Variants in CDH13 observed in about 807,000 individuals in gnomAD.
CDH13 encodes the protein cadherin 13.
Under a neutral mutation model 63.8 loss-of-function variants are expected in CDH13, and 24 were observed. The observed-to-expected ratio is 0.38, with a 90% confidence interval of 0.27 to 0.53. The LOEUF is 0.53. Ranked by LOEUF, CDH13 falls within the 20% of genes least tolerant of loss-of-function variation. The pLI, the probability that CDH13 is intolerant of heterozygous loss-of-function variation, is 0.85. For missense variants in CDH13, 1,049 were observed against 903.1 expected (o/e 1.16, Z -2.07); for synonymous variants, 503 against 355.3 (o/e 1.42, Z -4.67).
chr16:83,191,564 CACAT>C (rs924164695), intron 4 of CDH13, among the ~76,000 whole-genome samples: 7 of 139,964 alleles, frequency 5.0e-5, no homozygotes, highest in Admixed American at 2.9e-4. Flanking sequence ...TATACACACA[CACAT>C]ATATATGAAG....
At chr16:82,924,874 TA>T (rs1288987602) in intron 2 of CDH13, among the ~76,000 whole-genome samples, 1 of 152,176 alleles carries the variant, frequency 6.6e-6, no homozygotes, top group Non-Finnish European at 1.5e-5. Flanking sequence ...ACCCCCTCGT[TA>T]AAGCTGGTAA....
chr16:83,036,841 A>G (rs1468455725), intron 3 of CDH13, among the ~76,000 whole-genome samples: 1 of 152,188 alleles, frequency 6.6e-6, no homozygotes, highest in Non-Finnish European at 1.5e-5. Context: ...CTCAAGGATT[A>G]GCCTGCACAC....
At chr16:82,713,556 T>G (rs1364288276) in intron 1 of CDH13, among the ~76,000 whole-genome samples, 1 of 151,952 alleles carries the variant, frequency 6.6e-6, no homozygotes, top group African/African-American at 2.4e-5. Flanking sequence ...TGGTCAAGAG[T>G]ACGGACTCAG....
intron 1 of CDH13, among the ~76,000 whole-genome samples, chr16:82,706,763 C>T (rs746519592): frequency 3.2e-4 from 48 of 151,500 alleles, no homozygotes; most frequent in African/African-American, 1.0e-3. Flanking sequence ...GAGATCATGC[C>T]GCTGTACTCC....
chr16:82,837,166 T>C (rs566633258), intron 1 of CDH13, among the ~76,000 whole-genome samples: 1 of 152,294 alleles, frequency 6.6e-6, no homozygotes, highest in Admixed American at 6.5e-5. Flanking sequence ...TGGTGGGAAG[T>C]GGGAGTTAGG....
chr16:83,604,298 C>T (rs1313311684), intron 8 of CDH13, among the ~76,000 whole-genome samples: 1 of 152,182 alleles, frequency 6.6e-6, no homozygotes, highest in African/African-American at 2.4e-5. Context: ...GTTCCTCTAG[C>T]TGCTAATACA....
At chr16:83,268,193 T>G (rs1383759132) in intron 5 of CDH13, among the ~76,000 whole-genome samples, 1 of 152,212 alleles carries the variant, frequency 6.6e-6, no homozygotes, top group Non-Finnish European at 1.5e-5. Context: ...TTAACTGTAC[T>G]GCAGTTTGTC....
chr16:83,580,890 G>T (rs1905532730), intron 7 of CDH13, among the ~76,000 whole-genome samples: 1 of 152,140 alleles, frequency 6.6e-6, no homozygotes, highest in African/African-American at 2.4e-5. Context: ...GTTGAGAACG[G>T]CCAAATGTTT....
chr16:82,636,413 T>A (rs1908661657), intron 1 of CDH13, among the ~76,000 whole-genome samples: 1 of 152,148 alleles, frequency 6.6e-6, no homozygotes, highest in South Asian at 2.1e-4. Flanking sequence ...GGCCTGGAAA[T>A]GCCCTTGAAT....
chr16:83,511,416 C>T lies in CDH13; in HGVS notation c.960+24761C>T, dbSNP rs190550227. Among the ~76,000 whole-genome samples the T allele has an allele frequency of 1.3e-3, 197 of 151,672 alleles. 1 individual carries two copies. The highest frequency in any genetic ancestry group is 1.1e-3 in the Non-Finnish European group (78 of 67,916). On this transcript the variant is annotated intron_variant, in intron 7 of 13. Coordinates refer to ENST00000567109, the MANE Select transcript of CDH13 (RefSeq NM_001257.5). ...GGCCAAGGTTGCAGTGAGCTGAGAT[C>T]ACGCCACTGCACAGCAGCCTGGGGG...
At chr16:83,783,643 C>T (rs553643998) in intron 13 of CDH13, among the ~76,000 whole-genome samples, 171 bp downstream of exon 13, 1 of 152,194 alleles carries the variant, frequency 6.6e-6, no homozygotes, top group Non-Finnish European at 1.5e-5. Context: ...AGTGCTCCCA[C>T]TGATGTTTAA....
At chr16:83,100,529 G>A (rs1239255681) in intron 3 of CDH13, among the ~76,000 whole-genome samples, 2 of 152,136 alleles carry the variant, frequency 1.3e-5, no homozygotes, top group Admixed American at 1.3e-4. Context: ...TTCTGTAGCG[G>A]GCAGAAGCTG....
At chr16:83,105,472 G>A (rs2034719870) in intron 3 of CDH13, among the ~76,000 whole-genome samples, 1 of 152,184 alleles carries the variant, frequency 6.6e-6, no homozygotes, top group African/African-American at 2.4e-5. Flanking sequence ...GCCAGGGAGA[G>A]GAGAACAGTG....
chr16:82,828,115 G>A (rs1401597674), intron 1 of CDH13, among the ~76,000 whole-genome samples: 3 of 152,152 alleles, frequency 2.0e-5, no homozygotes, highest in Non-Finnish European at 4.4e-5. Flanking sequence ...TGTTGTATTT[G>A]ATTAGACAGC....
At chr16:83,052,867 A>T (rs976740922) in intron 3 of CDH13, among the ~76,000 whole-genome samples, 1 of 152,114 alleles carries the variant, frequency 6.6e-6, no homozygotes, top group Admixed American at 6.6e-5. Flanking sequence ...GATTAATAAA[A>T]AAGCTATTTT....
Position 82,753,741 on chromosome 16 carries a change from C to T in CDH13, c.46-104621C>T, listed in dbSNP as rs1277773285. ...TTTGCCATCTCATAAACAGGCTTGACCTCGATTAATGGGTTTTACTCCACA... is the reference window on the plus strand; with the variant it reads ...TTTGCCATCTCATAAACAGGCTTGATCTCGATTAATGGGTTTTACTCCACA... On this transcript the variant is annotated intron_variant, in intron 1 of 13. Transcript: ENST00000567109. Among the ~76,000 whole-genome samples, 4 of 152,162 alleles carry T rather than the reference C, an allele frequency of 2.6e-5. No homozygotes were observed. The East Asian group carries it at 5.8e-4, about 22-fold the overall frequency.
chr16:83,451,191 G>T (rs1280547197), intron 6 of CDH13, among the ~76,000 whole-genome samples: 1 of 152,186 alleles, frequency 6.6e-6, no homozygotes, highest in Non-Finnish European at 1.5e-5. Context: ...CTGAGACTGG[G>T]CAATTTATAA....
intron 2 of CDH13, among the ~76,000 whole-genome samples, chr16:83,015,153 C>T (rs1220645583): frequency 6.6e-6 from 1 of 151,788 alleles, no homozygotes; most frequent in African/African-American, 2.4e-5. Flanking sequence ...AAATGTGTGG[C>T]TAATCGGGGA....
chr16:83,668,864 A>G (rs909788061), intron 8 of CDH13, among the ~76,000 whole-genome samples: 2 of 152,194 alleles, frequency 1.3e-5, no homozygotes, highest in Admixed American at 1.3e-4. Flanking sequence ...AGGTAGCATT[A>G]ATTGATCACA....
Sources: allele counts gnomAD v4.1 joint callset (sites outside exome capture counted in the v4.1 genomes callset), GRCh38; gene constraint gnomAD v4.1.1; transcripts MANE v1.5; gene names NCBI Gene and HGNC (gene_info 2026-07-23, HGNC 2026-07-21).